SMAD3: variants seen among roughly 807,000 people sequenced by gnomAD.
The protein encoded by SMAD3 is SMAD family member 3.
Under a neutral mutation model 51.8 loss-of-function variants are expected in SMAD3, and 12 were observed. That is an observed-to-expected ratio of 0.23 (90% confidence interval 0.15 to 0.38). The LOEUF is 0.38. Among genes scored for constraint, SMAD3 ranks in the 10% least tolerant of loss-of-function variants. SMAD3 has a pLI of 1.00. For synonymous variants in SMAD3, 238 were observed against 227.7 expected, an observed-to-expected ratio of 1.05 and a Z score of -0.41; for missense variants, 294 against 565.6, an observed-to-expected ratio of 0.52 and a Z score of 4.87.
intron 1 of SMAD3, among the ~76,000 whole-genome samples, chr15:67,106,650 C>T (rs1256449187): frequency 2.0e-5 from 3 of 152,138 alleles, no homozygotes; most frequent in Non-Finnish European, 2.9e-5. Context: ...AGCTCAGTAA[C>T]TATTTACAGG....
chr15:67,083,126 G>A (rs1960313137), intron 1 of SMAD3, among the ~76,000 whole-genome samples: 1 of 152,224 alleles, frequency 6.6e-6, no homozygotes, highest in South Asian at 2.1e-4. Context: ...GGCCAGGTGA[G>A]CCGGGGCATG....
At chr15:67,173,484 T>TATGTGGTC (rs1438800139) in intron 5 of SMAD3, among the ~76,000 whole-genome samples, 1 of 152,084 alleles carries the variant, frequency 6.6e-6, no homozygotes, top group Non-Finnish European at 1.5e-5. Context: ...CCAAGGGCAT[T>TATGTGGTC]ATGTGGTCTG....
chr15:67,158,659 G>A (rs1962346780), intron 1 of SMAD3, among the ~76,000 whole-genome samples: 1 of 152,252 alleles, frequency 6.6e-6, no homozygotes, highest in African/African-American at 2.4e-5. Context: ...CAAGGTATGG[G>A]TGTATGGTGA....
intron 1 of SMAD3, among the ~76,000 whole-genome samples, chr15:67,144,778 G>A (rs1961930555): frequency 6.6e-6 from 1 of 152,178 alleles, no homozygotes; most frequent in African/African-American, 2.4e-5. Flanking sequence ...GTGGCCTGAT[G>A]CACGTTTCCA....
chr15:67,189,885 A>C (rs1392338225), intron 8 of SMAD3, among the ~76,000 whole-genome samples: 1 of 151,976 alleles, frequency 6.6e-6, no homozygotes, highest in Non-Finnish European at 1.5e-5. Context: ...CGTAGATGAG[A>C]ATTATATCAG....
intron 1 of SMAD3, among the ~76,000 whole-genome samples, chr15:67,155,413 T>G (rs567227236): frequency 6.6e-6 from 1 of 152,338 alleles, no homozygotes; most frequent in African/African-American, 2.4e-5. Context: ...TATTAAGCAG[T>G]TGTCCTGGGG....
At chr15:67,099,898 G>A (rs529973178) in intron 1 of SMAD3, among the ~76,000 whole-genome samples, 1 of 152,260 alleles carries the variant, frequency 6.6e-6, no homozygotes, top group African/African-American at 2.4e-5. Flanking sequence ...AATGAAGTAC[G>A]TGGCCGGGCG....
chr15:67,099,557 C>T (rs1250200389), intron 1 of SMAD3, among the ~76,000 whole-genome samples: 4 of 152,252 alleles, frequency 2.6e-5, no homozygotes, highest in South Asian at 2.1e-4. Context: ...GCCAGAGGTC[C>T]GCATACATTG....
At chr15:67,154,720 A>G (rs1187920689) in intron 1 of SMAD3, among the ~76,000 whole-genome samples, 2 of 152,240 alleles carry the variant, frequency 1.3e-5, no homozygotes, top group Non-Finnish European at 2.9e-5. Context: ...TCAGAAAATT[A>G]CAATTATAGG....
rs1201724213 is a variant in SMAD3 at position 67,193,654 on chromosome 15, C to T, written c.*3118C>T. On this transcript the variant is annotated 3_prime_UTR_variant, in exon 9 of 9. Transcript: ENST00000327367. ...AAGAGCACACATGAGGGCAAGGCTGCTGGCAGACGTCTCCATTGTCCTTAT... is the reference window on the plus strand; with the variant it reads ...AAGAGCACACATGAGGGCAAGGCTGTTGGCAGACGTCTCCATTGTCCTTAT... The T allele has an allele frequency of 4.3e-6, 1 of 233,126 alleles. No homozygotes were observed. The highest frequency in any genetic ancestry group is 2.2e-5 in the African/African-American group (1 of 45,224). The allele number at this position is 233,126 out of a possible 1,614,324, so 14.4% of individuals were successfully genotyped here. A position where few individuals can be genotyped will look rare whatever the true frequency, so the allele number is the denominator to read the frequency against.
At chr15:67,098,928 C>T (rs1960684282) in intron 1 of SMAD3, 1 of 702,246 alleles carries the variant, frequency 1.4e-6, no homozygotes. Context: ...GGTCAGGCAG[C>T]CCATGGAGAT....
At chr15:67,068,045 G>A (rs1182406063) in intron 1 of SMAD3, among the ~76,000 whole-genome samples, 3 of 152,156 alleles carry the variant, frequency 2.0e-5, no homozygotes, top group East Asian at 1.9e-4. Context: ...TTGTAAAACA[G>A]GCAGCTGTGA....
rs1595966933 is a variant in SMAD3, at chr15:67,191,287, A to G, written c.*751A>G. On this transcript the variant is annotated 3_prime_UTR_variant, in exon 9 of 9. Transcript: ENST00000327367. Reference sequence around the variant, plus strand: ...GGAAGGATCTGCTGAGGCCCAGTGCATATGCAATGTATAGTGTCTATTATC... The same window carrying G: ...GGAAGGATCTGCTGAGGCCCAGTGCGTATGCAATGTATAGTGTCTATTATC... The G allele has an allele frequency of 8.6e-6, 2 of 233,612 alleles. No homozygotes were observed. Among genetic ancestry groups the G allele is most frequent in the Admixed American group, 1.1e-4 (2 of 17,820 alleles). 14.5% of individuals were successfully genotyped at this position (233,612 alleles called of 1,614,324 possible).
At chr15:67,149,886 G>T (rs1338528789) in intron 1 of SMAD3, among the ~76,000 whole-genome samples, 3 of 152,176 alleles carry the variant, frequency 2.0e-5, no homozygotes, top group African/African-American at 7.2e-5. Context: ...TTTTTTGCAT[G>T]TAAAGGTACC....
In SMAD3 at chr15:67,065,771, C is replaced by A. The variant is rs887881814; in HGVS notation, c.-384C>A. The A allele has an allele frequency of 3.9e-4, 78 of 200,596 alleles. No homozygotes were observed. The highest frequency in any genetic ancestry group is 7.0e-4 in the Non-Finnish European group (68 of 97,054). 12.4% of individuals were successfully genotyped at this position (200,596 alleles called of 1,614,324 possible). On this transcript the variant is annotated 5_prime_UTR_variant, in exon 1 of 9. Transcript: ENST00000327367. The stretch of plus-strand genomic sequence containing the variant: ...GCTAGCGAGGCGAGCGAAGTTTGGC[C>A]GGGGGTTGGACTTTCCTTCCCGGAG...
chr15:67,113,095 T>TATATATATATATATATATATATA (rs57818600), intron 1 of SMAD3, among the ~76,000 whole-genome samples: 11 of 91,096 alleles, frequency 1.2e-4, no homozygotes, highest in Admixed American at 2.7e-4. Context: ...TATATATATA[T>TATATATATATATATATATATATA]TTTTTTGAGA....
At chr15:67,187,558 C>T in intron 8 of SMAD3, 49 bp downstream of exon 8, 1 of 1,609,848 alleles carries the variant, frequency 6.2e-7, no homozygotes, top group Non-Finnish European at 8.5e-7. Flanking sequence ...CCAGGTGACT[C>T]TGGACAGCAG....
At chr15:67,156,277 G>C (rs1169128662) in intron 1 of SMAD3, among the ~76,000 whole-genome samples, 6 of 152,144 alleles carry the variant, frequency 3.9e-5, no homozygotes, top group African/African-American at 1.4e-4. Flanking sequence ...CCGTAGGTTT[G>C]GTTTTTGAGT....
chr15:67,160,714 T>C (rs1255193273), intron 1 of SMAD3, among the ~76,000 whole-genome samples: 3 of 124,806 alleles, frequency 2.4e-5, no homozygotes, highest in Non-Finnish European at 4.6e-5. Context: ...GAGCTTGCAG[T>C]AAGCCAAGGT....
Sources: allele counts gnomAD v4.1 joint callset (sites outside exome capture counted in the v4.1 genomes callset), GRCh38; gene constraint gnomAD v4.1.1; transcripts MANE v1.5; gene names NCBI Gene and HGNC (gene_info 2026-07-23, HGNC 2026-07-21).